EXTL2: variants seen among roughly 807,000 people sequenced by gnomAD.
EXTL2 encodes exostosin-like 2.
Under a neutral mutation model 30.7 loss-of-function variants are expected in EXTL2, and 23 were observed. The ratio of observed to expected loss-of-function variants is 0.75; its 90% CI spans 0.54 to 1.06. The LOEUF (loss-of-function observed/expected upper bound fraction) is 1.06, where lower values mean the gene tolerates loss of function less well. Among genes scored for constraint, EXTL2 ranks in the 50% least tolerant of loss-of-function variants. The probability of loss-of-function intolerance (pLI) is 0.00; values close to 1 mark genes in which losing one functional copy is unlikely to be tolerated. For missense variants in EXTL2, 352 were observed against 396.3 expected, an observed-to-expected ratio of 0.89 and a Z score of 0.95; for synonymous variants, 123 against 133.8, an observed-to-expected ratio of 0.92 and a Z score of 0.56.
intron 2 of EXTL2, among the ~76,000 whole-genome samples, chr1:100,881,824 G>A (rs1649580405): frequency 6.6e-6 from 1 of 152,104 alleles, no homozygotes; most frequent in Non-Finnish European, 1.5e-5. Context: ...GTTACTTAGC[G>A]TCTTCTACAC....
At chr1:100,882,319 C>T (rs1263767169) in intron 2 of EXTL2, among the ~76,000 whole-genome samples, 1 of 152,186 alleles carries the variant, frequency 6.6e-6, no homozygotes, top group Non-Finnish European at 1.5e-5. Context: ...GCTAAATATC[C>T]TGCGATGCAC....
At position 100,873,952 on chromosome 1, in the gene EXTL2, C is replaced by A; in HGVS notation, c.983G>T (p.Arg328Ile). 1 of 1,561,310 alleles carries A rather than the reference C, an allele frequency of 6.4e-7. No homozygotes were observed. Among genetic ancestry groups the A allele is most frequent in the Non-Finnish European group, 8.6e-7 (1 of 1,158,360 alleles). The change falls in exon 5 of 5, where the codon AGA (arginine) becomes ATA (isoleucine). Residue 328 changes from arginine to isoleucine, a missense_variant. Arg to Ile is a moderately conservative substitution (Grantham distance 97). Transcript: ENST00000370114. Reference sequence around the variant, plus strand: ...TTGTTTGTTTTACTTTTATATTTTTCTTTTGTAGTTGGCATATGGAAAACC... The same window carrying A: ...TTGTTTGTTTTACTTTTATATTTTTATTTTGTAGTTGGCATATGGAAAACC... ...QFGFPYANYK[R>I]KI
intron 2 of EXTL2, among the ~76,000 whole-genome samples, chr1:100,886,069 T>A (rs959876051): frequency 3.3e-5 from 5 of 152,236 alleles, no homozygotes; most frequent in African/African-American, 7.2e-5. Flanking sequence ...TATGAATGGA[T>A]CATTTAGATG....
Position 100,877,821 on chromosome 1 carries a change from A to G in EXTL2, c.88T>C (p.Leu30=). ...GCAGTCAAAGCACCAGCTACCAGTA[A>G]TAATACGAGGATGACCACCAAAGAT... ...RLSLVVILVL[L]LVAGALTALL... is the part of the protein sequence containing the mutation. Residue 30 remains leucine (L), a synonymous_variant, in exon 3 of 5, where the codon TTA becomes CTA. Transcript: ENST00000370114. The surrounding 1 kb of genome is among the most constrained non-coding windows in gnomAD (Gnocchi z 4.1). 6.2e-7 allele frequency: 1 copy of G among 1,605,058 alleles called. No individual in the cohort carries two copies. Among genetic ancestry groups the G allele is most frequent in the Non-Finnish European group, 8.5e-7 (1 of 1,179,540 alleles).
At chr1:100,876,006 T>C (rs1649083146) in intron 4 of EXTL2, among the ~76,000 whole-genome samples, 1 of 152,138 alleles carries the variant, frequency 6.6e-6, no homozygotes, top group Admixed American at 6.6e-5. Context: ...AAAATGCTGA[T>C]ATCTGCTGAG....
At chr1:100,889,193 G>A (rs983509356) in intron 1 of EXTL2, among the ~76,000 whole-genome samples, 1 of 152,216 alleles carries the variant, frequency 6.6e-6, no homozygotes, top group Admixed American at 6.5e-5. Context: ...GGAAGATGAA[G>A]CAGGCACCTT....
At chr1:100,880,967 T>G in intron 2 of EXTL2, 1 of 975,394 alleles carries the variant, frequency 1.0e-6, no homozygotes, top group Non-Finnish European at 1.2e-6. Context: ...TGCTTCCTTC[T>G]CATGTATTCT....
chr1:100,885,341 T>A (rs1461408851), intron 2 of EXTL2, among the ~76,000 whole-genome samples: 1 of 152,218 alleles, frequency 6.6e-6, no homozygotes, highest in Non-Finnish European at 1.5e-5. Context: ...TGATGGATAA[T>A]ATCATCCTTG....
chr1:100,876,643 A>T (rs1460063051), intron 4 of EXTL2, 151 bp downstream of exon 4: 1 of 491,298 alleles, frequency 2.0e-6, no homozygotes, highest in East Asian at 3.1e-5. Context: ...AAGCTCAGAA[A>T]ATCTTGATTA....
chr1:100,878,737 T>C (rs1048619556), intron 2 of EXTL2, among the ~76,000 whole-genome samples: 1 of 152,110 alleles, frequency 6.6e-6, no homozygotes, highest in Non-Finnish European at 1.5e-5. Flanking sequence ...TTTAATAGTT[T>C]AGATGCTTAC....
intron 2 of EXTL2, among the ~76,000 whole-genome samples, chr1:100,883,381 T>C (rs1424415064): frequency 6.6e-6 from 1 of 152,160 alleles, no homozygotes; most frequent in Admixed American, 6.5e-5. Context: ...ATCCCTATTT[T>C]CACTTCCCTT....
At chr1:100,884,716 A>G (rs1256246011) in intron 2 of EXTL2, among the ~76,000 whole-genome samples, 1 of 152,012 alleles carries the variant, frequency 6.6e-6, no homozygotes, top group African/African-American at 2.4e-5. Context: ...CAAATATCAC[A>G]TCTCCTATAA....
intron 2 of EXTL2, chr1:100,881,187 A>C (rs1161968153): frequency 9.5e-6 from 3 of 314,992 alleles, no homozygotes; most frequent in Non-Finnish European, 1.4e-5. Flanking sequence ...TAAAGTACGA[A>C]AAGCAAGGAC....
At chr1:100,874,728 C>A (rs1445790160) in intron 4 of EXTL2, among the ~76,000 whole-genome samples, 1 of 151,996 alleles carries the variant, frequency 6.6e-6, no homozygotes, top group Non-Finnish European at 1.5e-5. Flanking sequence ...ACCAAAGAGT[C>A]CAATCCTTCA....
At chr1:100,875,426 G>C (rs556801443) in intron 4 of EXTL2, among the ~76,000 whole-genome samples, 18 of 152,108 alleles carry the variant, frequency 1.2e-4, no homozygotes, top group African/African-American at 4.3e-4. Flanking sequence ...CTGTGTTGCT[G>C]GGAGGCAAAG....
chr1:100,873,939 CTTTTAT>C lies in EXTL2; in HGVS notation c.990_*2del. 1 of 1,554,542 alleles carries C rather than the reference CTTTTAT, an allele frequency of 6.4e-7. No individual in the cohort carries two copies. Among genetic ancestry groups the C allele is most frequent in the East Asian group, 2.3e-5 (1 of 44,294 alleles). ...TTCAGGTTTGTTTTTGTTTGTTTTA[CTTTTAT>C]ATTTTTCTTTTGTAGTTGGCATATG... is the stretch of plus-strand genomic sequence containing the variant. On this transcript the variant is annotated stop_retained_variant and 3_prime_UTR_variant, in exon 5 of 5. Coordinates refer to ENST00000370114, the MANE Select transcript of EXTL2 (RefSeq NM_001033025.3).
In EXTL2 at chr1:100,888,628, C is replaced by T. The variant is rs546998508; in HGVS notation, c.5+125G>A. ...AGATGAAAAAGTTCCAGAGATCGGC[C>T]GCACAACAATGTGAAAACAGTTAAC... is the stretch of plus-strand genomic sequence containing the variant. On this transcript the variant is annotated intron_variant, in intron 2 of 4. Transcript: ENST00000370114. 25 of 438,984 alleles carry T rather than the reference C, an allele frequency of 5.7e-5. No homozygotes were observed. The South Asian group carries it at 6.8e-4, about 12-fold the overall frequency. 27.2% of individuals were successfully genotyped at this position (438,984 alleles called of 1,614,324 possible). A position where few individuals can be genotyped will look rare whatever the true frequency, so the allele number is the denominator to read the frequency against.
intron 2 of EXTL2, chr1:100,888,346 G>A (rs1025438424): frequency 6.4e-6 from 1 of 157,212 alleles, no homozygotes; most frequent in Non-Finnish European, 1.4e-5. Flanking sequence ...ATGATACACA[G>A]GTACAAAAGA....
At position 100,872,460 on chromosome 1, in the gene EXTL2, C is replaced by T. The variant is rs200686465; in HGVS notation, c.*1482G>A. On this transcript the variant is annotated 3_prime_UTR_variant, in exon 5 of 5. Transcript: ENST00000370114. Reference sequence around the variant, plus strand: ...GCAAAAAAGTACTACCAATATTGGACAAAACAGATAACTGACATTATCGAT... The same window carrying T: ...GCAAAAAAGTACTACCAATATTGGATAAAACAGATAACTGACATTATCGAT... The T allele has an allele frequency of 1.3e-5, 2 of 152,326 alleles. No homozygotes were observed. The highest frequency in any genetic ancestry group is 3.9e-4 in the East Asian group (2 of 5,158). The allele number at this position is 152,326 out of a possible 1,614,324, so 9.4% of individuals were successfully genotyped here.
Sources: gnomAD v4.1 joint callset for allele counts (sites outside exome capture counted in the v4.1 genomes callset) on GRCh38, gnomAD v4.1.1 for gene constraint, Gnocchi (gnomAD v3.1) non-coding constraint, MANE v1.5 for transcripts, NCBI Gene and HGNC (gene_info 2026-07-23, HGNC 2026-07-21) for gene names.